The following ESYT2 variants were observed in gnomAD, a reference collection of about 807,000 sequenced individuals.
ESYT2 encodes extended synaptotagmin-2.
In ESYT2, 54 loss-of-function variants were observed where a neutral mutation model predicts 107.2. That is an observed-to-expected ratio of 0.50 (90% confidence interval 0.40 to 0.63). ESYT2 has a LOEUF of 0.63. ESYT2 is among the 30% of genes least tolerant of loss of function. The probability of loss-of-function intolerance (pLI) is 0.00; values close to 1 mark genes in which losing one functional copy is unlikely to be tolerated. For synonymous variants in ESYT2, 491 were observed against 434.1 expected (o/e 1.13, Z -1.63); for missense variants, 1,020 against 1,094.5 (o/e 0.93, Z 0.96).
At position 158,829,323 on chromosome 7, in the gene ESYT2, C is replaced by T. The variant is rs561247044; in HGVS notation, c.96G>A (p.Glu32=). ...PENPGGVLSV[E]LPGLLAQLAR... ...CCAGCTGCGCCAGCAGCCCGGGCAG[C>T]TCCACGCTCAGCACGCCCCCGGGGT... The change falls in exon 1 of 23, where the codon GAG becomes GAA. Residue 32 remains glutamate, a synonymous_variant. Coordinates refer to ENST00000275418, the MANE Select transcript of ESYT2 (RefSeq NM_001367773.1). 2 of 1,489,720 alleles carry T rather than the reference C, an allele frequency of 1.3e-6. No individual in the cohort carries two copies. The highest frequency in any genetic ancestry group is 1.5e-5 in the African/African-American group (1 of 68,362). The allele number at this position is 1,489,720 out of a possible 1,614,324, so 92.3% of individuals were successfully genotyped here.
chr7:158,791,485 G>GT (rs925055900), intron 4 of ESYT2, among the ~76,000 whole-genome samples: 38 of 152,194 alleles, frequency 2.5e-4, no homozygotes, highest in African/African-American at 7.2e-4. Flanking sequence ...TATGTTTAAG[G>GT]TTTTGAGGAA....
At chr7:158,778,621 T>G (rs923971311) in intron 6 of ESYT2, among the ~76,000 whole-genome samples, 7 of 152,166 alleles carry the variant, frequency 4.6e-5, no homozygotes, top group African/African-American at 1.7e-4. Flanking sequence ...TCTGCAGTGT[T>G]AACATCCTAC....
At chr7:158,812,685 A>G (rs976841325) in intron 1 of ESYT2, among the ~76,000 whole-genome samples, 2 of 152,264 alleles carry the variant, frequency 1.3e-5, no homozygotes, top group African/African-American at 4.8e-5. Flanking sequence ...CAAAAGGTGG[A>G]AACAACCCGA....
intron 6 of ESYT2, among the ~76,000 whole-genome samples, chr7:158,782,428 T>TGA (rs1246564551): frequency 6.9e-6 from 1 of 145,244 alleles, no homozygotes; most frequent in African/African-American, 2.6e-5. Context: ...GAGAACAAAG[T>TGA]GAGGTGTGAG....
At chr7:158,821,513 C>T (rs968766402) in intron 1 of ESYT2, among the ~76,000 whole-genome samples, 8 of 152,240 alleles carry the variant, frequency 5.3e-5, no homozygotes, top group African/African-American at 2.4e-5. Flanking sequence ...TCACTACTTT[C>T]ACCCCCATCA....
chr7:158,818,567 T>A (rs1840207286), intron 1 of ESYT2, among the ~76,000 whole-genome samples: 1 of 152,250 alleles, frequency 6.6e-6, no homozygotes, highest in African/African-American at 2.4e-5. Context: ...AGGACTTGCC[T>A]GCAAGCGGAG....
chr7:158,765,459 C>T (rs189053626), intron 8 of ESYT2, among the ~76,000 whole-genome samples: 44 of 152,236 alleles, frequency 2.9e-4, no homozygotes, highest in Admixed American at 2.6e-3. Flanking sequence ...CTTGGCCAGG[C>T]GCGGTGGCTC....
chr7:158,776,653 C>G (rs971701226), intron 6 of ESYT2, among the ~76,000 whole-genome samples: 1 of 152,220 alleles, frequency 6.6e-6, no homozygotes, highest in African/African-American at 2.4e-5. Flanking sequence ...CTGATCATCT[C>G]TCCAGGCACT....
At chr7:158,800,180 C>T (rs1355265613) in intron 1 of ESYT2, among the ~76,000 whole-genome samples, 1 of 151,636 alleles carries the variant, frequency 6.6e-6, no homozygotes, top group Admixed American at 6.6e-5. Context: ...TCCTGAGTAG[C>T]TGGGATTGCA....
At chr7:158,782,235 C>G (rs1189214) in intron 6 of ESYT2, among the ~76,000 whole-genome samples, 141,000 of 149,678 alleles carry the variant, frequency 0.94, 66,446 homozygotes, top group Middle Eastern at 0.96. Context: ...GTGAGTGTAA[C>G]AACGAGTGAG....
rs776113725 is a variant in ESYT2, at chr7:158,759,492, G to T, written c.1413C>A (p.Asn471Lys). 4 of 1,610,070 alleles carry T rather than the reference G, an allele frequency of 2.5e-6. No individual in the cohort carries two copies. Among genetic ancestry groups the T allele is most frequent in the Non-Finnish European group, 3.4e-6 (4 of 1,177,002 alleles). Residue 471 changes from asparagine (N) to lysine (K), a missense_variant, in exon 13 of 23, where the codon AAC becomes AAA. Coordinates refer to ENST00000275418, the MANE Select transcript of ESYT2 (RefSeq NM_001367773.1). ...TTACCACTGTGTTACCTACCGGAAG[G>T]TTCCTTGCTGAATCCAAGTACAAGA... is the stretch of plus-strand genomic sequence containing the variant. ...LLILYLDSAR[N>K]LPSNPLEFNP...
intron 1 of ESYT2, among the ~76,000 whole-genome samples, chr7:158,809,474 CAAAAAAAA>C (rs67422901): frequency 2.0e-5 from 1 of 49,742 alleles, no homozygotes; most frequent in Admixed American, 2.9e-4. Flanking sequence ...GAATCCATCT[CAAAAAAAA>C]AAAAAAAAAA....
intron 1 of ESYT2, among the ~76,000 whole-genome samples, 185 bp downstream of exon 1, chr7:158,828,904 C>T (rs1299130922): frequency 2.7e-5 from 4 of 147,050 alleles, no homozygotes; most frequent in African/African-American, 9.8e-5. Flanking sequence ...TCTGCACTCG[C>T]CCAGGCGGAA....
intron 1 of ESYT2, among the ~76,000 whole-genome samples, chr7:158,800,722 TTCTTTTCTTTTC>T (rs1839613924): frequency 6.9e-6 from 1 of 144,940 alleles, no homozygotes; most frequent in Non-Finnish European, 1.5e-5. Flanking sequence ...TTTTTCTTTT[TTCTTTTCTTTTC>T]TTTTTTTTTT....
chr7:158,770,103 T>C (rs928403876), intron 7 of ESYT2, among the ~76,000 whole-genome samples: 1 of 151,808 alleles, frequency 6.6e-6, no homozygotes, highest in African/African-American at 2.4e-5. Context: ...GTTGGCTAGG[T>C]TGGTCTCAAA....
chr7:158,750,233 C>T (rs530253368), intron 14 of ESYT2, among the ~76,000 whole-genome samples: 1 of 151,918 alleles, frequency 6.6e-6, no homozygotes, highest in Non-Finnish European at 1.5e-5. Flanking sequence ...TCTTGCTTAC[C>T]AGCTGCTAAA....
intron 7 of ESYT2, 54 bp from the exon 8 acceptor site, chr7:158,767,828 C>T (rs1838215777): frequency 1.3e-6 from 2 of 1,570,584 alleles, no homozygotes; most frequent in Non-Finnish European, 1.7e-6. Flanking sequence ...GTGAATGCTT[C>T]TCTCACCTTT....
At position 158,781,792 on chromosome 7, in the gene ESYT2, AGT is replaced by A. The variant is rs1168590964; in HGVS notation, c.747+6210_747+6211del. On this transcript the variant is annotated intron_variant, in intron 6 of 22. Transcript: ENST00000275418. ...GTAAGAACGAGAACAAGTGTGAACG[AGT>A]GTGAGAACAAAGTGTGAGATGTGAG... Among the ~76,000 whole-genome samples the A allele has an allele frequency of 8.6e-5, 13 of 151,930 alleles. 1 individual carries two copies. Among genetic ancestry groups the A allele is most frequent in the Admixed American group, 2.0e-4 (3 of 15,258 alleles).
chr7:158,790,041 G>A lies in ESYT2; in HGVS notation c.585-1624C>T, dbSNP rs1584854775. On this transcript the variant is annotated intron_variant, in intron 4 of 22. Coordinates refer to ENST00000275418, the MANE Select transcript of ESYT2 (RefSeq NM_001367773.1). Reference sequence around the variant, plus strand: ...AGCCCAGTGGGGAGAGTCCTCCTGGGGGCGGAGCGTCCTCCTGGGGGCGGA... The same window carrying A: ...AGCCCAGTGGGGAGAGTCCTCCTGGAGGCGGAGCGTCCTCCTGGGGGCGGA... Among the ~76,000 whole-genome samples the A allele has an allele frequency of 3.4e-5, 4 of 116,404 alleles. 1 individual carries two copies. Among genetic ancestry groups the A allele is most frequent in the African/African-American group, 1.2e-4 (3 of 25,122 alleles). The allele number at this position is 116,404 out of a possible 152,430, so 76.4% of individuals were successfully genotyped here. A position where few individuals can be genotyped will look rare whatever the true frequency, so the allele number is the denominator to read the frequency against.
Sources: gnomAD v4.1 joint callset for allele counts (sites outside exome capture counted in the v4.1 genomes callset) on GRCh38, gnomAD v4.1.1 for gene constraint, MANE v1.5 for transcripts, NCBI Gene and HGNC (gene_info 2026-07-23, HGNC 2026-07-21) for gene names.